The following TFDP2 variants were observed in gnomAD, a reference collection of about 807,000 sequenced individuals.
TFDP2 encodes the protein transcription factor Dp-2.
TFDP2 carries 17 observed loss-of-function variants against 59.3 expected under a neutral mutation model. The ratio of observed to expected loss-of-function variants is 0.29; its 90% CI spans 0.20 to 0.43. TFDP2 has a LOEUF of 0.43. Among genes scored for constraint, TFDP2 ranks in the 20% least tolerant of loss-of-function variants. The pLI is 1.00. For synonymous variants in TFDP2, 180 were observed against 194.7 expected (o/e 0.92, Z 0.63); for missense variants, 391 against 528.8 (o/e 0.74, Z 2.56).
intron 1 of TFDP2, among the ~76,000 whole-genome samples, chr3:142,116,389 GAAAC>G (rs1342645143): frequency 6.6e-6 from 1 of 152,118 alleles, no homozygotes; most frequent in Non-Finnish European, 1.5e-5. Flanking sequence ...GAGGAAAAAA[GAAAC>G]AAGAGATGCA....
intron 4 of TFDP2, among the ~76,000 whole-genome samples, chr3:141,998,492 C>G (rs1180114059): frequency 6.6e-6 from 1 of 152,006 alleles, no homozygotes; most frequent in African/African-American, 2.4e-5. Flanking sequence ...TGGTGCACGC[C>G]GGTAATCCCA....
intron 1 of TFDP2, among the ~76,000 whole-genome samples, chr3:142,119,480 T>C (rs1017780903): frequency 3.3e-5 from 5 of 152,194 alleles, no homozygotes; most frequent in Non-Finnish European, 4.4e-5. Context: ...AAGCTGTCCT[T>C]AGAGTTTCAA....
In TFDP2 at chr3:141,985,547, C is replaced by T. The variant is rs1442215817; in HGVS notation, c.357-6865G>A. ...AAAAAAAAAAAAAAAAAAAAAACAC[C>T]TATTTTTTCTTCATAGATTTTCTAT... is the stretch of plus-strand genomic sequence containing the variant. On this transcript the variant is annotated intron_variant, in intron 6 of 12. Coordinates refer to ENST00000489671, the MANE Select transcript of TFDP2 (RefSeq NM_001178139.2). Among the ~76,000 whole-genome samples the T allele has an allele frequency of 2.0e-5, 3 of 146,660 alleles. No homozygotes were observed. In the East Asian group the frequency reaches 6.1e-4, roughly 30 times the overall value.
intron 1 of TFDP2, among the ~76,000 whole-genome samples, chr3:142,122,331 C>T (rs1470863750): frequency 6.6e-6 from 1 of 152,102 alleles, no homozygotes. Context: ...GTCCTCACTG[C>T]CAACCAGCCA....
At chr3:142,143,622 T>C (rs916966199) in intron 1 of TFDP2, among the ~76,000 whole-genome samples, 3 of 152,106 alleles carry the variant, frequency 2.0e-5, no homozygotes, top group African/African-American at 4.8e-5. Context: ...ATAGAAGACA[T>C]ACAAATGGCA....
intron 6 of TFDP2, among the ~76,000 whole-genome samples, chr3:141,982,817 T>A (rs1181116859): frequency 6.6e-6 from 1 of 152,204 alleles, no homozygotes. Flanking sequence ...TTTTATAAAA[T>A]CAGTTCAGTG....
At chr3:142,026,473 ATAAT>A (rs960980565) in intron 3 of TFDP2, among the ~76,000 whole-genome samples, 6 of 152,202 alleles carry the variant, frequency 3.9e-5, no homozygotes, top group African/African-American at 9.6e-5. Flanking sequence ...AAACTGTATA[ATAAT>A]TAATCCATAT....
intron 3 of TFDP2, among the ~76,000 whole-genome samples, chr3:142,062,152 ATCT>A (rs1260076085): frequency 1.3e-5 from 2 of 151,940 alleles, no homozygotes; most frequent in Non-Finnish European, 2.9e-5. Context: ...CTCCCTTAAG[ATCT>A]TCTTAATAAC....
chr3:142,098,830 T>C (rs1458982111), intron 2 of TFDP2, among the ~76,000 whole-genome samples: 1 of 152,182 alleles, frequency 6.6e-6, no homozygotes, highest in Non-Finnish European at 1.5e-5. Flanking sequence ...GGCCTAAAGA[T>C]GGAAGAAGAC....
chr3:142,091,941 T>G (rs2061008830), intron 3 of TFDP2, among the ~76,000 whole-genome samples: 2 of 152,140 alleles, frequency 1.3e-5, no homozygotes, highest in South Asian at 4.1e-4. Flanking sequence ...TGCTCTAGAG[T>G]ACGTCTCCCA....
rs529103121 is a variant in TFDP2 at position 142,141,138 on chromosome 3, A to C, written c.-93+8045T>G. Among the ~76,000 whole-genome samples the C allele has an allele frequency of 3.9e-5, 6 of 152,312 alleles. 1 individual carries two copies. Among genetic ancestry groups the C allele is most frequent in the African/African-American group, 1.4e-4 (6 of 41,588 alleles). On this transcript the variant is annotated intron_variant, in intron 1 of 12. Transcript: ENST00000489671. ...GTCCATCTCAGACTACTTCGCTAGC[A>C]GTGAGCAAGGCTCCACGGATGTGGG...
At chr3:141,997,490 T>C (rs1307294509) in intron 4 of TFDP2, among the ~76,000 whole-genome samples, 2 of 152,106 alleles carry the variant, frequency 1.3e-5, no homozygotes, top group Middle Eastern at 3.2e-3. Context: ...GTATTACTAC[T>C]GCAGTATTTC....
At chr3:142,111,383 G>A (rs923813474) in intron 1 of TFDP2, among the ~76,000 whole-genome samples, 8 of 146,986 alleles carry the variant, frequency 5.4e-5, no homozygotes, top group African/African-American at 1.8e-4. Context: ...AGCTGAGATC[G>A]TGCCACTGCA....
At chr3:141,987,773 G>GAA (rs112269693) in intron 6 of TFDP2, among the ~76,000 whole-genome samples, 9 of 125,014 alleles carry the variant, frequency 7.2e-5, no homozygotes, top group Non-Finnish European at 1.2e-4. Context: ...ACTAAAAATA[G>GAA]AAAAAAAAAA....
chr3:142,045,705 C>T (rs766898196), intron 3 of TFDP2, among the ~76,000 whole-genome samples: 1 of 151,092 alleles, frequency 6.6e-6, no homozygotes, highest in Non-Finnish European at 1.5e-5. Context: ...CTCCGCCTCC[C>T]GGGTTCAAAG....
At chr3:142,090,360 T>C (rs1002080652) in intron 3 of TFDP2, among the ~76,000 whole-genome samples, 16 of 152,164 alleles carry the variant, frequency 1.1e-4, no homozygotes, top group African/African-American at 3.9e-4. Context: ...TCCTCTCCAT[T>C]TGTTCTATAA....
Position 142,005,488 on chromosome 3 carries a change from A to G in TFDP2, c.139T>C (p.Leu47=). ...TTTATTGGTCCTAAGGTTTTTGGTA[A>G]AATCTTTGTAGGTGAGTTGGTATTG... is the stretch of plus-strand genomic sequence containing the variant. ...VSNTNSPTKI[L]PKTLGPINVN... Residue 47 remains leucine (L), a synonymous_variant, in exon 4 of 13, where the codon TTA becomes CTA. Coordinates refer to ENST00000489671, the MANE Select transcript of TFDP2 (RefSeq NM_001178139.2). The G allele has an allele frequency of 6.2e-7, 1 of 1,611,660 alleles. No homozygotes were observed. The highest frequency in any genetic ancestry group is 8.5e-7 in the Non-Finnish European group (1 of 1,178,620).
intron 6 of TFDP2, among the ~76,000 whole-genome samples, chr3:141,984,827 C>T (rs1372566167): frequency 6.6e-6 from 1 of 152,182 alleles, no homozygotes; most frequent in African/African-American, 2.4e-5. Flanking sequence ...TTATGTATTT[C>T]ATCATCAATT....
At chr3:141,962,831 G>A (rs1937525205) in intron 10 of TFDP2, among the ~76,000 whole-genome samples, 1 of 152,170 alleles carries the variant, frequency 6.6e-6, no homozygotes. Context: ...GGTATCCCTG[G>A]GACAGTTCTG....
Sources: gnomAD v4.1 joint callset for allele counts (sites outside exome capture counted in the v4.1 genomes callset) on GRCh38, gnomAD v4.1.1 for gene constraint, MANE v1.5 for transcripts, NCBI Gene and HGNC (gene_info 2026-07-23, HGNC 2026-07-21) for gene names.